The following ROBO2 variants were observed in gnomAD, a reference collection of about 807,000 sequenced individuals.
ROBO2 encodes roundabout guidance receptor 2.
In ROBO2, 53 loss-of-function variants were observed where a neutral mutation model predicts 160.8. That is an observed-to-expected ratio of 0.33 (90% confidence interval 0.26 to 0.41). ROBO2 has a LOEUF of 0.41. Among genes scored for constraint, ROBO2 ranks in the 10% least tolerant of loss-of-function variants. The pLI, the probability that ROBO2 is intolerant of heterozygous loss-of-function variation, is 1.00. For missense variants in ROBO2, 1,577 were observed against 1,722.4 expected (o/e 0.92, Z 1.49); for synonymous variants, 664 against 611.7 (o/e 1.09, Z -1.26).
intron 2 of ROBO2, among the ~76,000 whole-genome samples, chr3:75,988,211 A>T (rs942996899): frequency 1.8e-4 from 27 of 152,142 alleles, no homozygotes; most frequent in Admixed American, 1.0e-3. Context: ...AATCCTAACT[A>T]ATTATAGATC....
At chr3:76,960,440 T>G (rs1362467864) in intron 2 of ROBO2, among the ~76,000 whole-genome samples, 1 of 146,970 alleles carries the variant, frequency 6.8e-6, no homozygotes, top group Non-Finnish European at 1.5e-5. Context: ...TATGTGCATA[T>G]ATCTGTATCT....
intron 24 of ROBO2, among the ~76,000 whole-genome samples, chr3:77,640,356 G>A (rs751288889): frequency 5.9e-5 from 9 of 152,010 alleles, no homozygotes; most frequent in African/African-American, 1.2e-4. Flanking sequence ...CTCGTGATCC[G>A]CCCGCCTTGG....
At chr3:76,471,530 T>G (rs529442725) in intron 2 of ROBO2, among the ~76,000 whole-genome samples, 1 of 152,302 alleles carries the variant, frequency 6.6e-6, no homozygotes, top group Non-Finnish European at 1.5e-5. Flanking sequence ...ACTGTGATTC[T>G]TCACACAGTT....
rs147114572 is a variant in ROBO2 at position 76,714,903 on chromosome 3, T to C, written c.110-383111T>C. Reference sequence around the variant, plus strand: ...CTTGTTAGTGCCCACCAAGTGTGTATTGAGTAAAGAAATAAGAGGAGTAAC... The same window carrying C: ...CTTGTTAGTGCCCACCAAGTGTGTACTGAGTAAAGAAATAAGAGGAGTAAC... On this transcript the variant is annotated intron_variant, in intron 2 of 26. Transcript: ENST00000487694. Among the ~76,000 whole-genome samples, 1,107 of 152,288 alleles carry C rather than the reference T, an allele frequency of 7.3e-3. 10 individuals carry two copies. The highest frequency in any genetic ancestry group is 0.021 in the African/African-American group (885 of 41,578).
At chr3:76,928,281 C>A (rs1353169014) in intron 2 of ROBO2, among the ~76,000 whole-genome samples, 1 of 152,092 alleles carries the variant, frequency 6.6e-6, no homozygotes, top group Non-Finnish European at 1.5e-5. Context: ...AAATTCCCCC[C>A]AGAGCTTCTA....
At chr3:77,304,273 A>C (rs1709656836) in intron 2 of ROBO2, among the ~76,000 whole-genome samples, 1 of 152,206 alleles carries the variant, frequency 6.6e-6, no homozygotes. Flanking sequence ...GTGCATATTT[A>C]ATAGTTTAAA....
intron 5 of ROBO2, among the ~76,000 whole-genome samples, chr3:77,499,340 T>C (rs2087215948): frequency 6.6e-6 from 1 of 152,210 alleles, no homozygotes; most frequent in African/African-American, 2.4e-5. Context: ...GTGATTAACC[T>C]ATATTTTTAC....
At chr3:77,123,279 C>G (rs551607979) in intron 2 of ROBO2, among the ~76,000 whole-genome samples, 2 of 152,028 alleles carry the variant, frequency 1.3e-5, no homozygotes, top group Non-Finnish European at 2.9e-5. Flanking sequence ...ATAAAAGGAA[C>G]CAGACCTTAT....
At chr3:76,759,406 C>G (rs1010380080) in intron 2 of ROBO2, among the ~76,000 whole-genome samples, 88 of 151,910 alleles carry the variant, frequency 5.8e-4, no homozygotes, top group Middle Eastern at 3.4e-3. Flanking sequence ...TATAACACTA[C>G]ATCTCTTAAA....
At chr3:76,610,056 C>T (rs953416194) in intron 2 of ROBO2, among the ~76,000 whole-genome samples, 2 of 152,118 alleles carry the variant, frequency 1.3e-5, no homozygotes, top group Admixed American at 1.3e-4. Flanking sequence ...GAATAAATCC[C>T]GCTTGGTCAT....
intron 2 of ROBO2, among the ~76,000 whole-genome samples, chr3:76,817,122 G>T (rs1408522183): frequency 6.6e-6 from 1 of 151,950 alleles, no homozygotes; most frequent in African/African-American, 2.4e-5. Flanking sequence ...CCTAATGTAG[G>T]GTTGATGGGT....
chr3:76,684,514 A>G (rs1237488972), intron 2 of ROBO2, among the ~76,000 whole-genome samples: 1 of 152,158 alleles, frequency 6.6e-6, no homozygotes, highest in Non-Finnish European at 1.5e-5. Flanking sequence ...AGTGCAGAGA[A>G]TAATTTGCCC....
intron 2 of ROBO2, among the ~76,000 whole-genome samples, chr3:76,420,464 T>C (rs1294422040): frequency 2.0e-5 from 3 of 152,214 alleles, no homozygotes; most frequent in African/African-American, 7.2e-5. Context: ...AAGATGTTAG[T>C]CTAAAAAGTT....
chr3:77,292,016 C>G (rs2061344732), intron 2 of ROBO2, among the ~76,000 whole-genome samples: 1 of 151,270 alleles, frequency 6.6e-6, no homozygotes, highest in Non-Finnish European at 1.5e-5. Context: ...GAGGCTAGAT[C>G]ACCCCAGAAA....
chr3:76,093,669 G>A (rs1012620217), intron 2 of ROBO2, among the ~76,000 whole-genome samples: 1 of 151,338 alleles, frequency 6.6e-6, no homozygotes, highest in African/African-American at 2.4e-5. Flanking sequence ...TTACAGTTGA[G>A]CTTCATATCT....
intron 2 of ROBO2, among the ~76,000 whole-genome samples, chr3:76,744,284 T>G (rs2093848796): frequency 6.6e-6 from 1 of 152,090 alleles, no homozygotes; most frequent in Non-Finnish European, 1.5e-5. Context: ...CTGTTACTTC[T>G]TCTTCTTCCC....
At chr3:76,814,292 G>A (rs753387045) in intron 2 of ROBO2, among the ~76,000 whole-genome samples, 1 of 152,036 alleles carries the variant, frequency 6.6e-6, no homozygotes, top group Non-Finnish European at 1.5e-5. Flanking sequence ...TCCAGAGATG[G>A]TGCGAGAAAG....
At chr3:77,270,478 T>A (rs966842094) in intron 2 of ROBO2, among the ~76,000 whole-genome samples, 22 of 152,202 alleles carry the variant, frequency 1.4e-4, no homozygotes, top group African/African-American at 5.3e-4. Flanking sequence ...TGGTTCAAAC[T>A]GTTTGTGTAA....
chr3:77,382,953 T>G (rs1343979040), intron 2 of ROBO2, among the ~76,000 whole-genome samples: 1 of 152,248 alleles, frequency 6.6e-6, no homozygotes, highest in Non-Finnish European at 1.5e-5. Context: ...CAAAATACTT[T>G]TTTTTAATGA....
Sources: gnomAD v4.1 joint callset for allele counts (sites outside exome capture counted in the v4.1 genomes callset) on GRCh38, gnomAD v4.1.1 for gene constraint, MANE v1.5 for transcripts, NCBI Gene and HGNC (gene_info 2026-07-23, HGNC 2026-07-21) for gene names.